The following TNS3 variants were observed in gnomAD, a reference collection of about 807,000 sequenced individuals.
The protein encoded by TNS3 is tensin 3, also known as tensin-3.
In TNS3, 45 loss-of-function variants were observed where a neutral mutation model predicts 140.9. That is an observed-to-expected ratio of 0.32 (90% confidence interval 0.25 to 0.41). The LOEUF (loss-of-function observed/expected upper bound fraction) is 0.41. Among genes scored for constraint, TNS3 ranks in the 10% least tolerant of loss-of-function variants. TNS3 has a pLI of 1.00. For missense variants in TNS3, 1,716 were observed against 1,906.7 expected, an observed-to-expected ratio of 0.90 and a Z score of 1.86; for synonymous variants, 815 against 788.4, an observed-to-expected ratio of 1.03 and a Z score of -0.56.
At chr7:47,529,405 G>C (rs916506287) in intron 1 of TNS3, among the ~76,000 whole-genome samples, 7 of 152,092 alleles carry the variant, frequency 4.6e-5, no homozygotes, top group African/African-American at 1.7e-4. Flanking sequence ...CACCACATGG[G>C]GTGCCTAGAA....
At chr7:47,474,592 CACACCTCACACACAAA>C (rs1054583378) in intron 4 of TNS3, among the ~76,000 whole-genome samples, 5 of 147,928 alleles carry the variant, frequency 3.4e-5, no homozygotes, top group African/African-American at 1.0e-4. Context: ...ACACACAAGA[CACACCTCACACACAAA>C]ACACCTCACA....
intron 3 of TNS3, among the ~76,000 whole-genome samples, chr7:47,488,783 C>T (rs1352083266): frequency 1.3e-5 from 2 of 151,736 alleles, no homozygotes; most frequent in Non-Finnish European, 1.5e-5. Flanking sequence ...CCAACAAGAG[C>T]TGGGTCCCCC....
chr7:47,379,545 T>G (rs554220696), intron 16 of TNS3, among the ~76,000 whole-genome samples: 27 of 152,338 alleles, frequency 1.8e-4, no homozygotes, highest in African/African-American at 6.5e-4. Flanking sequence ...CTCTATGATT[T>G]TGATATATTT....
intron 2 of TNS3, among the ~76,000 whole-genome samples, chr7:47,527,271 G>A (rs1799231340): frequency 6.6e-6 from 1 of 152,026 alleles, no homozygotes; most frequent in Non-Finnish European, 1.5e-5. Flanking sequence ...AATAAAATAT[G>A]AGCATTTCTA....
At chr7:47,329,671 A>G (rs1192103585) in intron 20 of TNS3, among the ~76,000 whole-genome samples, 1 of 152,214 alleles carries the variant, frequency 6.6e-6, no homozygotes, top group Non-Finnish European at 1.5e-5. Context: ...GACCACGGAC[A>G]GAGCAGGCTC....
intron 3 of TNS3, among the ~76,000 whole-genome samples, chr7:47,497,662 A>AACAC (rs6150097): frequency 0.033 from 2,992 of 91,202 alleles, 65 homozygotes; most frequent in African/African-American, 0.081. Context: ...TCACGTATGG[A>AACAC]ACACACACAC....
chr7:47,350,619 GCTCA>G (rs1388060866), intron 17 of TNS3, among the ~76,000 whole-genome samples: 1 of 152,130 alleles, frequency 6.6e-6, no homozygotes, highest in Admixed American at 6.5e-5. Flanking sequence ...AGCAGTAGAT[GCTCA>G]CTCAGAGGCC....
At chr7:47,404,788 G>A (rs867820261) in intron 13 of TNS3, among the ~76,000 whole-genome samples, 1 of 152,156 alleles carries the variant, frequency 6.6e-6, no homozygotes, top group Non-Finnish European at 1.5e-5. Flanking sequence ...GGAGGCTGAG[G>A]CAGGAGAATG....
intron 1 of TNS3, among the ~76,000 whole-genome samples, chr7:47,567,030 CAAAAAA>C (rs541987899): frequency 0.45 from 43,808 of 98,352 alleles, 7,190 homozygotes; most frequent in East Asian, 0.59. Flanking sequence ...GACTCCATCT[CAAAAAA>C]AAAAAAAAAA....
At chr7:47,438,271 C>T (rs1795289455) in intron 6 of TNS3, among the ~76,000 whole-genome samples, 1 of 152,104 alleles carries the variant, frequency 6.6e-6, no homozygotes, top group Non-Finnish European at 1.5e-5. Flanking sequence ...AGCCATTTTG[C>T]AGGGAGAGCT....
At chr7:47,391,220 A>C (rs1434605779) in intron 16 of TNS3, among the ~76,000 whole-genome samples, 2 of 152,194 alleles carry the variant, frequency 1.3e-5, no homozygotes, top group Non-Finnish European at 2.9e-5. Context: ...TGGATTGTAC[A>C]GGCAAAGTGG....
chr7:47,292,934 G>C (rs1294429170), intron 25 of TNS3, 29 bp from the exon 26 acceptor site: 2 of 1,602,280 alleles, frequency 1.2e-6, no homozygotes, highest in Non-Finnish European at 1.7e-6. Context: ...GCAAACAAGA[G>C]TCAACAACTG....
intron 16 of TNS3, among the ~76,000 whole-genome samples, chr7:47,385,418 G>C (rs541370910): frequency 4.9e-4 from 75 of 152,308 alleles, no homozygotes; most frequent in African/African-American, 1.4e-3. Context: ...TTCCAGCCCT[G>C]TCCTGGCCTC....
chr7:47,351,523 C>T (rs942496489), intron 17 of TNS3, among the ~76,000 whole-genome samples: 10 of 152,090 alleles, frequency 6.6e-5, no homozygotes, highest in African/African-American at 2.4e-4. Flanking sequence ...TCAGGCAAGA[C>T]AACTTGAACG....
In TNS3 at chr7:47,303,156, C is replaced by T. The variant is rs754323277; in HGVS notation, c.3251G>A (p.Gly1084Asp). 3 of 1,613,950 alleles carry T rather than the reference C, an allele frequency of 1.9e-6. No homozygotes were observed. The Admixed American group carries it at 5.0e-5, about 27-fold the overall frequency. Residue 1084 changes from glycine (G) to aspartate (D), a missense_variant, in exon 22 of 31, where the codon GGC becomes GAC. Transcript: ENST00000311160. ...CAGGGTCACACCCTGGCCCTGCAGGCCTGGACTGTGGTGGCTGCTGTGTCC... is the reference window on the plus strand; with the variant it reads ...CAGGGTCACACCCTGGCCCTGCAGGTCTGGACTGTGGTGGCTGCTGTGTCC... Reference protein sequence around the residue: ...APGHSSHHSPGLQGQGVTLPG... With the variant: ...APGHSSHHSPDLQGQGVTLPG...
At chr7:47,547,172 G>T (rs1246767870) in intron 1 of TNS3, among the ~76,000 whole-genome samples, 4 of 152,248 alleles carry the variant, frequency 2.6e-5, no homozygotes, top group African/African-American at 9.6e-5. Flanking sequence ...GAGGGAGGCA[G>T]TGTGTGTCGG....
At chr7:47,520,989 C>A (rs1733407407) in intron 2 of TNS3, among the ~76,000 whole-genome samples, 2 of 152,238 alleles carry the variant, frequency 1.3e-5, no homozygotes, top group Admixed American at 6.5e-5. Flanking sequence ...TTTATCTGCA[C>A]AAATTCATCT....
At chr7:47,496,738 A>C (rs553325905) in intron 3 of TNS3, among the ~76,000 whole-genome samples, 1 of 152,306 alleles carries the variant, frequency 6.6e-6, no homozygotes, top group South Asian at 2.1e-4. Flanking sequence ...CTTGTGGGAA[A>C]TCACATCAGA....
chr7:47,540,236 A>AAGGTTCTTCCCAGGAACAAAATG (rs1192298381), intron 1 of TNS3, among the ~76,000 whole-genome samples: 37 of 151,752 alleles, frequency 2.4e-4, no homozygotes, highest in African/African-American at 7.8e-4. Flanking sequence ...GGAACAAAAC[A>AAGGTTCTTCCCAGGAACAAAATG]AGGTTCTTCC....
Sources: allele counts gnomAD v4.1 joint callset (sites outside exome capture counted in the v4.1 genomes callset), GRCh38; gene constraint gnomAD v4.1.1; transcripts MANE v1.5; gene names NCBI Gene and HGNC (gene_info 2026-07-23, HGNC 2026-07-21).